MEAF6: variants seen among roughly 807,000 people sequenced by gnomAD.
The protein encoded by MEAF6 is chromatin modification-related protein MEAF6.
Under a neutral mutation model 28.9 loss-of-function variants are expected in MEAF6, and 15 were observed. The ratio of observed to expected loss-of-function variants is 0.52; its 90% CI spans 0.35 to 0.80. The LOEUF (loss-of-function observed/expected upper bound fraction) is 0.80, where lower values mean the gene tolerates loss of function less well. Ranked by LOEUF, MEAF6 falls within the 30% of genes least tolerant of loss-of-function variation. The pLI is 0.01. For missense variants in MEAF6, 178 were observed against 237.5 expected (o/e 0.75, Z 1.65); for synonymous variants, 97 against 88.7 (o/e 1.09, Z -0.53).
chr1:37,490,553 A>C lies in MEAF6; in HGVS notation c.*3546T>G, dbSNP rs1428503766. Among the ~76,000 whole-genome samples, 1 of 152,144 alleles carries C rather than the reference A, an allele frequency of 6.6e-6. No individual in the cohort carries two copies. Among genetic ancestry groups the C allele is most frequent in the Non-Finnish European group, 1.5e-5 (1 of 68,034 alleles). ...GCTTCAGATGTCAATTTTCTGTTGG[A>C]GACAGCGTCTTGCTACGTTACTCAG... On this transcript the variant is annotated 3_prime_UTR_variant, in exon 7 of 7. Transcript: ENST00000296214.
At position 37,492,906 on chromosome 1, in the gene MEAF6, C is replaced by T. The variant is rs1641985944; in HGVS notation, c.*1193G>A. The stretch of plus-strand genomic sequence containing the variant: ...TTTAAAGAAATTCCCAATAACTAGG[C>T]TGTACCCCAGTCTCTAGGGATGGGA... On this transcript the variant is annotated 3_prime_UTR_variant, in exon 7 of 7. Coordinates refer to ENST00000296214, the MANE Select transcript of MEAF6 (RefSeq NM_001270875.3). 6.6e-6 allele frequency: 1 copy of T among 152,200 alleles called. No homozygotes were observed. The highest frequency in any genetic ancestry group is 1.5e-5 in the Non-Finnish European group (1 of 68,040). The allele number at this position is 152,200 out of a possible 1,614,324, so 9.4% of individuals were successfully genotyped here.
chr1:37,512,531 G>T (rs1449109612), intron 2 of MEAF6, among the ~76,000 whole-genome samples: 2 of 152,088 alleles, frequency 1.3e-5, no homozygotes, highest in Non-Finnish European at 2.9e-5. Flanking sequence ...TAAAAGTTTA[G>T]AAATTTTTTA....
intron 2 of MEAF6, among the ~76,000 whole-genome samples, chr1:37,510,883 C>T (rs980226042): frequency 1.3e-5 from 2 of 152,060 alleles, no homozygotes; most frequent in African/African-American, 2.4e-5. Flanking sequence ...CCACCACGTC[C>T]GGCTAATTTT....
rs867861769 is a variant in MEAF6, at chr1:37,495,699, A to C, written c.567+186T>G. On this transcript the variant is annotated intron_variant, in intron 6 of 6. Coordinates refer to ENST00000296214, the MANE Select transcript of MEAF6 (RefSeq NM_001270875.3). Reference sequence around the variant, plus strand: ...AACTGTCTCTCAAAAAAAAAAAACAAAAAACAAAAAAAAAAAAAAACAAAA... The same window carrying C: ...AACTGTCTCTCAAAAAAAAAAAACACAAAACAAAAAAAAAAAAAAACAAAA... Among the ~76,000 whole-genome samples, 1,111 of 118,266 alleles carry C rather than the reference A, an allele frequency of 9.4e-3. 29 individuals are homozygous for C. Among genetic ancestry groups the C allele is most frequent in the African/African-American group, 0.031 (1,046 of 33,870 alleles). 77.6% of individuals were successfully genotyped at this position (118,266 alleles called of 152,430 possible).
rs1240935443 is a variant in MEAF6 at position 37,492,279 on chromosome 1, C to T, written c.*1820G>A. ...TCCTGACCTCGTGATCCGCCCGCTTCGGCCTCCCAAAGTGCTGGGATTACA... is the reference window on the plus strand; with the variant it reads ...TCCTGACCTCGTGATCCGCCCGCTTTGGCCTCCCAAAGTGCTGGGATTACA... On this transcript the variant is annotated 3_prime_UTR_variant, in exon 7 of 7. Coordinates refer to ENST00000296214, the MANE Select transcript of MEAF6 (RefSeq NM_001270875.3). Among the ~76,000 whole-genome samples, 4 of 151,926 alleles carry T rather than the reference C, an allele frequency of 2.6e-5. No individual in the cohort carries two copies. The highest frequency in any genetic ancestry group is 5.9e-5 in the Non-Finnish European group (4 of 67,976).
intron 4 of MEAF6, among the ~76,000 whole-genome samples, chr1:37,502,679 G>A (rs1231266707): frequency 6.7e-6 from 1 of 148,922 alleles, no homozygotes; most frequent in Non-Finnish European, 1.5e-5. Context: ...GTGCAGTGGT[G>A]GAATCTCTGT....
intron 5 of MEAF6, among the ~76,000 whole-genome samples, chr1:37,498,565 G>A (rs954853574): frequency 4.6e-5 from 7 of 151,684 alleles, no homozygotes; most frequent in Non-Finnish European, 1.0e-4. Context: ...AAGTAGCTGA[G>A]ACTACAGGCA....
rs215212 is a variant in MEAF6, at chr1:37,493,898, G to C, written c.*201C>G. On this transcript the variant is annotated 3_prime_UTR_variant, in exon 7 of 7. Coordinates refer to ENST00000296214, the MANE Select transcript of MEAF6 (RefSeq NM_001270875.3). ...TTCCTGCAGTTCTGTTACTAAAAAT[G>C]ACATAAAGTAAGACCCAATGTCTTA... The C allele has an allele frequency of 0.23, 365,920 of 1,580,510 alleles. 43,945 individuals are homozygous for C. Among genetic ancestry groups the C allele is most frequent in the Middle Eastern group, 0.31 (1,846 of 5,966 alleles).
intron 5 of MEAF6, among the ~76,000 whole-genome samples, chr1:37,498,841 A>C (rs1398871143): frequency 6.6e-6 from 1 of 152,200 alleles, no homozygotes; most frequent in Non-Finnish European, 1.5e-5. Context: ...TATGGATGCT[A>C]AAAATTATTT....
chr1:37,501,198 C>A (rs1642290090), intron 5 of MEAF6, among the ~76,000 whole-genome samples: 1 of 152,180 alleles, frequency 6.6e-6, no homozygotes, highest in South Asian at 2.1e-4. Flanking sequence ...TGCAAAAAAA[C>A]ATGGTGCACC....
intron 2 of MEAF6, among the ~76,000 whole-genome samples, chr1:37,511,602 T>C (rs1448392912): frequency 6.6e-6 from 1 of 152,188 alleles, no homozygotes; most frequent in Non-Finnish European, 1.5e-5. Flanking sequence ...AATAGGACAA[T>C]GTGACATTAT....
At chr1:37,511,712 A>G (rs113072684) in intron 2 of MEAF6, among the ~76,000 whole-genome samples, 4 of 152,222 alleles carry the variant, frequency 2.6e-5, no homozygotes, top group Admixed American at 6.5e-5. Context: ...GACCCTTTTA[A>G]TCAGTCATGA....
chr1:37,514,581 C>A (rs1185574631), intron 1 of MEAF6, 76 bp downstream of exon 1: 10 of 1,212,662 alleles, frequency 8.2e-6, no homozygotes, highest in East Asian at 3.3e-5. Flanking sequence ...AACGGCCTAG[C>A]GCGGCCGGGC....
At chr1:37,505,638 A>G (rs899459625) in intron 4 of MEAF6, among the ~76,000 whole-genome samples, 1 of 152,342 alleles carries the variant, frequency 6.6e-6, no homozygotes, top group South Asian at 2.1e-4. Flanking sequence ...TATACTGGCC[A>G]ATACTGCCCT....
intron 4 of MEAF6, among the ~76,000 whole-genome samples, chr1:37,507,812 G>A (rs1307613529): frequency 2.7e-5 from 4 of 150,050 alleles, no homozygotes; most frequent in Admixed American, 1.3e-4. Flanking sequence ...GCAACAGAGC[G>A]AGACTCCGTC....
intron 5 of MEAF6, chr1:37,496,510 T>A (rs1366639545): frequency 9.0e-7 from 1 of 1,115,144 alleles, no homozygotes; most frequent in Non-Finnish European, 1.2e-6. Flanking sequence ...AAGTGAAGTT[T>A]ACTTAATTTT....
At chr1:37,507,737 T>C (rs1224243930) in intron 4 of MEAF6, among the ~76,000 whole-genome samples, 3 of 151,928 alleles carry the variant, frequency 2.0e-5, no homozygotes, top group East Asian at 1.9e-4. Flanking sequence ...TCCCAGCACT[T>C]TGGGAGGCCC....
intron 3 of MEAF6, 48 bp downstream of exon 3, chr1:37,509,407 T>A: frequency 6.2e-7 from 1 of 1,608,628 alleles, no homozygotes; most frequent in Non-Finnish European, 8.5e-7. Flanking sequence ...AAAAAACACA[T>A]TCCCCAACAA....
At chr1:37,496,844 T>G in intron 5 of MEAF6, 1 of 1,178,202 alleles carries the variant, frequency 8.5e-7, no homozygotes. Context: ...AAATCAGCTT[T>G]AAGAATCTTA....
Sources: gnomAD v4.1 joint callset for allele counts (sites outside exome capture counted in the v4.1 genomes callset) on GRCh38, gnomAD v4.1.1 for gene constraint, MANE v1.5 for transcripts, NCBI Gene and HGNC (gene_info 2026-07-23, HGNC 2026-07-21) for gene names.